Variants in SNX10 observed in about 807,000 individuals in gnomAD.
The protein encoded by SNX10 is sorting nexin-10.
Under a neutral mutation model 28.5 loss-of-function variants are expected in SNX10, and 25 were observed. That is an observed-to-expected ratio of 0.88 (90% confidence interval 0.64 to 1.22). The LOEUF is 1.22. Among genes scored for constraint, SNX10 ranks in the 50% most tolerant of loss-of-function variants. The pLI is 0.00. For synonymous variants in SNX10, 62 were observed against 81.4 expected (o/e 0.76, Z 1.28); for missense variants, 223 against 242.6 (o/e 0.92, Z 0.54).
At chr7:26,293,108 G>A (rs966727556) in intron 1 of SNX10, 1 of 152,290 alleles carries the variant, frequency 6.6e-6, no homozygotes, top group Non-Finnish European at 1.5e-5. Flanking sequence ...GGTGAGGTCA[G>A]GGACTCCTGC....
chr7:26,338,637 C>T (rs1417529507), intron 1 of SNX10, among the ~76,000 whole-genome samples: 1 of 152,278 alleles, frequency 6.6e-6, no homozygotes, highest in African/African-American at 2.4e-5. Flanking sequence ...ATCTCCTGAC[C>T]TCGTGATCCG....
chr7:26,310,067 T>A (rs1786760936), intron 1 of SNX10, among the ~76,000 whole-genome samples: 1 of 152,170 alleles, frequency 6.6e-6, no homozygotes, highest in Non-Finnish European at 1.5e-5. Context: ...TGGAGTTAGT[T>A]TAGGAGGAAA....
chr7:26,346,776 C>G (rs916871880), intron 2 of SNX10, among the ~76,000 whole-genome samples: 2 of 152,232 alleles, frequency 1.3e-5, no homozygotes, highest in African/African-American at 4.8e-5. Context: ...CTTTTTTACT[C>G]CATTGACTCA....
chr7:26,318,184 G>A (rs977416445), intron 1 of SNX10, among the ~76,000 whole-genome samples: 1 of 152,096 alleles, frequency 6.6e-6, no homozygotes, highest in Non-Finnish European at 1.5e-5. Context: ...CATATTTCCT[G>A]TACCAATAGC....
intron 1 of SNX10, among the ~76,000 whole-genome samples, chr7:26,318,194 C>A (rs1787166199): frequency 6.6e-6 from 1 of 152,098 alleles, no homozygotes; most frequent in African/African-American, 2.4e-5. Context: ...GTACCAATAG[C>A]CGTACACTAT....
At position 26,302,122 on chromosome 7, in the gene SNX10, A is replaced by AT. The variant is rs557828356; in HGVS notation, c.-24+10040dup. Among the ~76,000 whole-genome samples the AT allele has an allele frequency of 3.3e-5, 5 of 152,096 alleles. No individual in the cohort carries two copies. In the South Asian group the frequency reaches 1.0e-3, roughly 32 times the overall value. On this transcript the variant is annotated intron_variant, in intron 1 of 6. Coordinates refer to ENST00000338523, the MANE Select transcript of SNX10 (RefSeq NM_013322.3). ...ACTTTGACATCAGTGGTGTGAGGTTATTTTCATCTCCTTTTTTTCCAATCT... is the reference window on the plus strand; with the variant it reads ...ACTTTGACATCAGTGGTGTGAGGTTATTTTTCATCTCCTTTTTTTCCAATCT...
chr7:26,315,784 GCTTT>G (rs1584107237), intron 1 of SNX10, among the ~76,000 whole-genome samples: 2 of 152,102 alleles, frequency 1.3e-5, no homozygotes, highest in African/African-American at 4.8e-5. Context: ...TAAAGGGGGT[GCTTT>G]CTTTTATGTA....
chr7:26,361,174 A>G (rs1253455975), intron 3 of SNX10, 113 bp downstream of exon 3: 2 of 1,081,850 alleles, frequency 1.8e-6, no homozygotes, highest in Non-Finnish European at 2.5e-6. Flanking sequence ...CTGAATTTGA[A>G]TGATTACAAC....
At chr7:26,320,456 G>A (rs1787267175) in intron 1 of SNX10, among the ~76,000 whole-genome samples, 2 of 151,344 alleles carry the variant, frequency 1.3e-5, no homozygotes, top group Non-Finnish European at 2.9e-5. Flanking sequence ...TTTTGAGATG[G>A]AGTCTCACTC....
At chr7:26,369,064 G>A (rs1176663265) in intron 5 of SNX10, among the ~76,000 whole-genome samples, 1 of 152,118 alleles carries the variant, frequency 6.6e-6, no homozygotes, top group African/African-American at 2.4e-5. Context: ...GCTTTGTTTA[G>A]TCTAAAACTG....
At chr7:26,331,749 A>G (rs575150969) in intron 1 of SNX10, among the ~76,000 whole-genome samples, 7 of 137,968 alleles carry the variant, frequency 5.1e-5, no homozygotes, top group African/African-American at 2.0e-4. Context: ...TCCCCTACCC[A>G]CCAAGTTCTT....
chr7:26,348,174 A>G (rs1158931399), intron 2 of SNX10, among the ~76,000 whole-genome samples: 1 of 152,166 alleles, frequency 6.6e-6, no homozygotes, highest in Non-Finnish European at 1.5e-5. Flanking sequence ...TTTTCCAGTC[A>G]GTCCCCCTCA....
chr7:26,292,665 AC>A, intron 1 of SNX10, among the ~76,000 whole-genome samples: 1 of 152,222 alleles, frequency 6.6e-6, no homozygotes, highest in Admixed American at 6.5e-5. Context: ...CTCAAATTAC[AC>A]GGATTATTGA....
At chr7:26,318,945 G>C (rs1241105724) in intron 1 of SNX10, among the ~76,000 whole-genome samples, 10 of 152,182 alleles carry the variant, frequency 6.6e-5, no homozygotes, top group Admixed American at 6.5e-4. Context: ...TAAGTAACTT[G>C]TTCAAGGTCA....
intron 1 of SNX10, among the ~76,000 whole-genome samples, chr7:26,346,059 C>T (rs980093317): frequency 7.2e-5 from 11 of 152,158 alleles, no homozygotes; most frequent in South Asian, 2.1e-4. Flanking sequence ...TCTCTCTGCG[C>T]GTCTTTTCCA....
intron 1 of SNX10, among the ~76,000 whole-genome samples, chr7:26,306,989 C>T (rs1309304054): frequency 6.6e-6 from 1 of 152,222 alleles, no homozygotes; most frequent in Non-Finnish European, 1.5e-5. Flanking sequence ...ATGCCTCACA[C>T]TACTTTTACC....
chr7:26,328,827 A>G (rs945411804), intron 1 of SNX10, among the ~76,000 whole-genome samples: 8 of 152,148 alleles, frequency 5.3e-5, no homozygotes, highest in African/African-American at 1.9e-4. Flanking sequence ...AACATGTCTC[A>G]CAGAGAATTC....
intron 1 of SNX10, among the ~76,000 whole-genome samples, chr7:26,324,923 A>G (rs1388946573): frequency 6.6e-6 from 1 of 152,286 alleles, no homozygotes; most frequent in African/African-American, 2.4e-5. Flanking sequence ...GAGGTCACAG[A>G]ACATTTCTTT....
At chr7:26,305,509 TA>T (rs1363812754) in intron 1 of SNX10, among the ~76,000 whole-genome samples, 1 of 152,124 alleles carries the variant, frequency 6.6e-6, no homozygotes, top group Non-Finnish European at 1.5e-5. Flanking sequence ...CTGTCTGGAT[TA>T]GGGGGCAGGC....
Sources: allele counts gnomAD v4.1 joint callset (sites outside exome capture counted in the v4.1 genomes callset), GRCh38; gene constraint gnomAD v4.1.1; transcripts MANE v1.5; gene names NCBI Gene and HGNC (gene_info 2026-07-23, HGNC 2026-07-21).